FGF14: variants seen among roughly 807,000 people sequenced by gnomAD.
The protein encoded by FGF14 is fibroblast growth factor 14.
In FGF14, 5 loss-of-function variants were observed where a neutral mutation model predicts 25.5. That is an observed-to-expected ratio of 0.20 (90% CI 0.10 to 0.41). FGF14 has a LOEUF of 0.41. FGF14 is among the 10% of genes least tolerant of loss of function. The pLI, the probability that FGF14 is intolerant of heterozygous loss-of-function variation, is 1.00. For synonymous variants in FGF14, 138 were observed against 118.3 expected (o/e 1.17, Z -1.08); for missense variants, 222 against 320.1 (o/e 0.69, Z 2.34).
At chr13:101,962,086 T>TA (rs1231717566) in intron 1 of FGF14, among the ~76,000 whole-genome samples, 1 of 152,198 alleles carries the variant, frequency 6.6e-6, no homozygotes, top group Non-Finnish European at 1.5e-5. Flanking sequence ...ATAATGGTTT[T>TA]AATTCTGTGA....
At chr13:102,107,702 G>T (rs2044994191) in intron 1 of FGF14, among the ~76,000 whole-genome samples, 1 of 152,128 alleles carries the variant, frequency 6.6e-6, no homozygotes, top group Non-Finnish European at 1.5e-5. Flanking sequence ...GAAGTAACTG[G>T]CATTGGAAAA....
chr13:102,013,980 C>T (rs1003921776), intron 1 of FGF14, among the ~76,000 whole-genome samples: 8 of 152,068 alleles, frequency 5.3e-5, no homozygotes, highest in African/African-American at 1.9e-4. Context: ...TTCTATATGT[C>T]AGGTACTTTT....
chr13:101,967,479 A>G (rs572065146), intron 1 of FGF14, among the ~76,000 whole-genome samples: 3 of 152,366 alleles, frequency 2.0e-5, no homozygotes, highest in African/African-American at 7.2e-5. Flanking sequence ...CAGTGAGAAC[A>G]TTTATGCTGT....
chr13:102,191,472 C>T (rs2049121472), intron 1 of FGF14, among the ~76,000 whole-genome samples: 1 of 152,156 alleles, frequency 6.6e-6, no homozygotes, highest in South Asian at 2.1e-4. Context: ...GACAGAGCAA[C>T]ATCTCTGGTA....
At chr13:102,320,970 C>G (rs2056220986) in intron 1 of FGF14, among the ~76,000 whole-genome samples, 1 of 152,138 alleles carries the variant, frequency 6.6e-6, no homozygotes, top group Non-Finnish European at 1.5e-5. Context: ...AATAGCCTCT[C>G]TCTAATATGG....
intron 1 of FGF14, among the ~76,000 whole-genome samples, chr13:101,943,736 G>A (rs1270228716): frequency 6.6e-6 from 1 of 151,528 alleles, no homozygotes; most frequent in African/African-American, 2.4e-5. Flanking sequence ...CACTTTGGGA[G>A]GCCGAGACAG....
chr13:101,984,713 A>G (rs2038465227), intron 1 of FGF14, among the ~76,000 whole-genome samples: 1 of 152,154 alleles, frequency 6.6e-6, no homozygotes, highest in Non-Finnish European at 1.5e-5. Flanking sequence ...TAGGATCTGC[A>G]TTCCCCAAAG....
At chr13:101,961,417 T>G (rs1201229036) in intron 1 of FGF14, among the ~76,000 whole-genome samples, 1 of 152,212 alleles carries the variant, frequency 6.6e-6, no homozygotes, top group Non-Finnish European at 1.5e-5. Context: ...TCTAGTCAAT[T>G]TTCCCAGAAC....
In FGF14 at chr13:101,894,643, T is replaced by A. The variant is rs527724191; in HGVS notation, c.194-19347A>T. ...AACATATACCCACTGACAGATTTCA[T>A]TGGTAACTAATGTAGAGTGAGCATT... On this transcript the variant is annotated intron_variant, in intron 1 of 4. Transcript: ENST00000376143. Among the ~76,000 whole-genome samples the A allele has an allele frequency of 3.9e-5, 6 of 152,340 alleles. No homozygotes were observed. The South Asian group carries it at 1.2e-3, about 32-fold the overall frequency.
chr13:102,102,534 GCAGAAGGC>G (rs1466591571), intron 1 of FGF14, among the ~76,000 whole-genome samples: 1 of 152,148 alleles, frequency 6.6e-6, no homozygotes, highest in East Asian at 1.9e-4. Context: ...AGCTTGAGGG[GCAGAAGGC>G]CACTATTTTA....
chr13:102,316,478 T>C (rs1305107760), intron 1 of FGF14, among the ~76,000 whole-genome samples: 1 of 152,164 alleles, frequency 6.6e-6, no homozygotes, highest in Non-Finnish European at 1.5e-5. Flanking sequence ...ATGAATAATT[T>C]TTAAAAGGGA....
chr13:101,914,246 T>C (rs1222207934), intron 1 of FGF14, among the ~76,000 whole-genome samples: 1 of 151,228 alleles, frequency 6.6e-6, no homozygotes, highest in African/African-American at 2.4e-5. Context: ...CTATTATATG[T>C]CGATATATAA....
Position 101,719,701 on chromosome 13 carries a change from T to G in FGF14, c.*3130A>C, listed in dbSNP as rs909669254. On this transcript the variant is annotated 3_prime_UTR_variant, in exon 5 of 5. Transcript: ENST00000376143. ...ATAACCCTCCCACACCAGATATGCA[T>G]GCAGAAGGAATGGAGTATTATAGAG... 2.0e-5 allele frequency: 3 copies of G among 152,064 alleles called. No individual in the cohort carries two copies. Among genetic ancestry groups the G allele is most frequent in the Non-Finnish European group, 2.9e-5 (2 of 68,014 alleles). 9.4% of individuals were successfully genotyped at this position (152,064 alleles called of 1,614,324 possible). A position where few individuals can be genotyped will look rare whatever the true frequency, so the allele number is the denominator to read the frequency against.
intron 1 of FGF14, among the ~76,000 whole-genome samples, chr13:102,287,753 C>A (rs2054178049): frequency 6.6e-6 from 1 of 152,168 alleles, no homozygotes; most frequent in South Asian, 2.1e-4. Flanking sequence ...TACTTCCATG[C>A]TAAACCCCTT....
chr13:102,070,238 C>G (rs1477398920), intron 1 of FGF14, among the ~76,000 whole-genome samples: 1 of 152,088 alleles, frequency 6.6e-6, no homozygotes, highest in African/African-American at 2.4e-5. Context: ...AGACATTTCT[C>G]AAAATAAGAC....
At position 102,051,802 on chromosome 13, in the gene FGF14, A is replaced by ATT. The variant is rs1413677740; in HGVS notation, c.209-176507_209-176506insAA. Among the ~76,000 whole-genome samples, 18 of 152,344 alleles carry ATT rather than the reference A, an allele frequency of 1.2e-4. No homozygotes were observed. The East Asian group carries it at 3.5e-3, about 29-fold the overall frequency. On this transcript the variant is annotated intron_variant, in intron 1 of 4. Transcript: ENST00000376131. ...AGCAAGACTAGCCAGTAGAGTCTGA[A>ATT]AGTGGTGAATACTCCACCAAATACA...
At chr13:101,912,653 GTTGT>G (rs903721297) in intron 1 of FGF14, among the ~76,000 whole-genome samples, 12 of 151,964 alleles carry the variant, frequency 7.9e-5, no homozygotes, top group Admixed American at 2.0e-4. Flanking sequence ...TTAAAATGAG[GTTGT>G]TTATGTTCTT....
intron 1 of FGF14, among the ~76,000 whole-genome samples, chr13:102,272,030 A>G (rs928038702): frequency 1.3e-5 from 2 of 151,878 alleles, no homozygotes; most frequent in African/African-American, 2.4e-5. Context: ...AAAAAGTAAT[A>G]CTCAGACTCC....
chr13:102,277,780 T>C (rs2053619752), intron 1 of FGF14, among the ~76,000 whole-genome samples: 1 of 152,216 alleles, frequency 6.6e-6, no homozygotes, highest in Non-Finnish European at 1.5e-5. Context: ...TGACATCCAT[T>C]ACAGTGAACC....
Sources: allele counts gnomAD v4.1 joint callset (sites outside exome capture counted in the v4.1 genomes callset), GRCh38; gene constraint gnomAD v4.1.1; transcripts MANE v1.5; gene names NCBI Gene and HGNC (gene_info 2026-07-23, HGNC 2026-07-21).